VEZT: variants seen among roughly 807,000 people sequenced by gnomAD.
VEZT encodes the protein vezatin, adherens junctions transmembrane protein.
In VEZT, 39 loss-of-function variants were observed where a neutral mutation model predicts 79.9. The ratio of observed to expected loss-of-function variants is 0.49; its 90% CI spans 0.38 to 0.64. The LOEUF (loss-of-function observed/expected upper bound fraction) is 0.64, where lower values mean the gene tolerates loss of function less well. VEZT is among the 30% of genes least tolerant of loss of function. The probability of loss-of-function intolerance (pLI) is 0.00; values close to 1 mark genes in which losing one functional copy is unlikely to be tolerated. For missense variants in VEZT, 837 were observed against 893.1 expected (o/e 0.94, Z 0.80); for synonymous variants, 325 against 327.6 (o/e 0.99, Z 0.09).
chr12:95,255,316 T>C (rs1452494938), intron 2 of VEZT, among the ~76,000 whole-genome samples: 1 of 152,242 alleles, frequency 6.6e-6, no homozygotes. Context: ...GCCTTGGTCA[T>C]CAAGTGATAC....
rs111949879 is a variant in VEZT, at chr12:95,287,861, C to T, written c.1522+4C>T. On this transcript the variant is annotated splice_donor_region_variant and intron_variant, in intron 9 of 11. Coordinates refer to ENST00000436874, the MANE Select transcript of VEZT (RefSeq NM_017599.4). ...CGAAGAAATACAGATAAAAAAGGTA[C>T]CTGTGAGAGATTTCTTTGCCATATG... is the stretch of plus-strand genomic sequence containing the variant. 6.5e-4 allele frequency: 1,025 copies of T among 1,580,146 alleles called. No homozygotes were observed. Among genetic ancestry groups the T allele is most frequent in the Non-Finnish European group, 6.7e-4 (783 of 1,162,574 alleles).
At chr12:95,225,426 G>A (rs573956014) in intron 1 of VEZT, among the ~76,000 whole-genome samples, 22 of 152,088 alleles carry the variant, frequency 1.4e-4, no homozygotes, top group East Asian at 3.9e-4. Flanking sequence ...GCTTGGTGGC[G>A]GGCGCCTGTA....
chr12:95,269,749 TTC>T, intron 5 of VEZT: 1 of 216,978 alleles, frequency 4.6e-6, no homozygotes. Flanking sequence ...ATTTCTACAT[TTC>T]TGTTATATCT....
intron 1 of VEZT, 87 bp from the exon 2 acceptor site, chr12:95,251,853 A>G: frequency 7.8e-7 from 1 of 1,289,848 alleles, no homozygotes; most frequent in East Asian, 2.3e-5. Flanking sequence ...ACTGGTCACA[A>G]TAGTGAAGTC....
chr12:95,249,172 G>T lies in VEZT; in HGVS notation c.37-2768G>T, dbSNP rs190442538. Among the ~76,000 whole-genome samples the T allele has an allele frequency of 3.8e-3, 578 of 152,246 alleles. 2 individuals are homozygous for T. Among genetic ancestry groups the T allele is most frequent in the Non-Finnish European group, 6.6e-3 (447 of 68,022 alleles). Reference sequence around the variant, plus strand: ...GGCTTGCAGAGTCTGAAATATTTACGATCTGGCCTTTTACCGAAAAAGGCT... The same window carrying T: ...GGCTTGCAGAGTCTGAAATATTTACTATCTGGCCTTTTACCGAAAAAGGCT... On this transcript the variant is annotated intron_variant, in intron 1 of 11. Coordinates refer to ENST00000436874, the MANE Select transcript of VEZT (RefSeq NM_017599.4).
At chr12:95,241,825 TA>T in intron 1 of VEZT, among the ~76,000 whole-genome samples, 1 of 152,366 alleles carries the variant, frequency 6.6e-6, no homozygotes, top group Non-Finnish European at 1.5e-5. Flanking sequence ...CCATGAACTT[TA>T]CATTAGTTTG....
chr12:95,302,041 T>G lies in VEZT; in HGVS notation c.*1368T>G, dbSNP rs1287296788. 4.6e-5 allele frequency: 7 copies of G among 152,230 alleles called. No homozygotes were observed. Among genetic ancestry groups the G allele is most frequent in the Non-Finnish European group, 8.8e-5 (6 of 68,026 alleles). The allele number at this position is 152,230 out of a possible 1,614,324, so 9.4% of individuals were successfully genotyped here. ...AATTAACCTCTTCGGAGCAATACCT[T>G]AGGTTGGGCCTTGCTTTACTACTTA... On this transcript the variant is annotated 3_prime_UTR_variant, in exon 12 of 12. Coordinates refer to ENST00000436874, the MANE Select transcript of VEZT (RefSeq NM_017599.4).
intron 1 of VEZT, among the ~76,000 whole-genome samples, chr12:95,225,899 G>C (rs1400225390): frequency 6.6e-6 from 1 of 151,662 alleles, no homozygotes; most frequent in East Asian, 1.9e-4. Context: ...AGACCAGCTT[G>C]GGCAATATAG....
rs148610476 is a variant in VEZT, at chr12:95,267,521, G to A, written c.710+889G>A. On this transcript the variant is annotated intron_variant, in intron 5 of 11. Coordinates refer to ENST00000436874, the MANE Select transcript of VEZT (RefSeq NM_017599.4). Reference sequence around the variant, plus strand: ...ATCTAGAAAATCATGAAAAGAGGGAGTGAAGAACCTCTGGTAGCCATCGCA... The same window carrying A: ...ATCTAGAAAATCATGAAAAGAGGGAATGAAGAACCTCTGGTAGCCATCGCA... 3.7e-3 allele frequency among the ~76,000 whole-genome samples: 565 copies of A among 152,118 alleles called. 4 individuals carry two copies. The highest frequency in any genetic ancestry group is 6.1e-3 in the Non-Finnish European group (415 of 67,994).
rs1467804101 is a variant in VEZT, at chr12:95,282,397, G to A, written c.1081G>A (p.Gly361Arg). ...LLLSTANSPPGPLLTPALLPH... is the reference protein window; with the variant it reads ...LLLSTANSPPRPLLTPALLPH... ...ACTTTCTACAGCCAATTCACCTCCT[G>A]GGCCCTTACTTACTCCAGCACTTCT... Residue 361 changes from glycine (G) to arginine (R), a missense_variant, in exon 8 of 12, where the codon GGG becomes AGG. Gly to Arg is a moderately radical substitution (Grantham distance 125). Coordinates refer to ENST00000436874, the MANE Select transcript of VEZT (RefSeq NM_017599.4). 1 of 1,613,826 alleles carries A rather than the reference G, an allele frequency of 6.2e-7. No individual in the cohort carries two copies. Among genetic ancestry groups the A allele is most frequent in the African/African-American group, 1.3e-5 (1 of 75,020 alleles).
intron 2 of VEZT, among the ~76,000 whole-genome samples, chr12:95,255,918 TC>T (rs1417870416): frequency 2.6e-5 from 4 of 152,292 alleles, no homozygotes; most frequent in Middle Eastern, 3.4e-3. Flanking sequence ...TTAAAACCTA[TC>T]TCAGTGTACC....
At chr12:95,294,514 CT>C (rs150093851) in intron 10 of VEZT, 142 bp downstream of exon 10, 325 of 690,034 alleles carry the variant, frequency 4.7e-4, no homozygotes, top group East Asian at 2.8e-3. Flanking sequence ...TGCCTGCAGA[CT>C]TTTTTTTGAT....
chr12:95,279,070 C>A (rs2068426686), intron 7 of VEZT, among the ~76,000 whole-genome samples: 1 of 152,130 alleles, frequency 6.6e-6, no homozygotes, highest in Non-Finnish European at 1.5e-5. Context: ...AACTCCGTCT[C>A]AACATAAATA....
chr12:95,262,056 T>C (rs2064632980), intron 3 of VEZT, among the ~76,000 whole-genome samples: 3 of 152,212 alleles, frequency 2.0e-5, no homozygotes, highest in Admixed American at 2.0e-4. Flanking sequence ...CCATCCCACT[T>C]CTCCAACTCC....
At chr12:95,269,203 A>G (rs1212481973) in intron 5 of VEZT, among the ~76,000 whole-genome samples, 2 of 152,230 alleles carry the variant, frequency 1.3e-5, no homozygotes, top group Non-Finnish European at 2.9e-5. Context: ...GAAAAAATTT[A>G]TCTGATAACC....
intron 5 of VEZT, among the ~76,000 whole-genome samples, chr12:95,269,342 G>A (rs995270859): frequency 2.0e-5 from 3 of 152,130 alleles, no homozygotes; most frequent in African/African-American, 7.2e-5. Flanking sequence ...ACAGCTTTGA[G>A]AGTAGCTATG....
intron 6 of VEZT, among the ~76,000 whole-genome samples, chr12:95,271,900 C>A (rs117481266): frequency 0.03 from 4,532 of 152,280 alleles, 141 homozygotes; most frequent in Middle Eastern, 0.092. Context: ...AAAATATGGG[C>A]TTGGTGCAGT....
intron 7 of VEZT, among the ~76,000 whole-genome samples, chr12:95,282,026 T>A (rs939137489): frequency 6.6e-6 from 1 of 152,070 alleles, no homozygotes; most frequent in African/African-American, 2.4e-5. Context: ...TGAGTGAAGA[T>A]TCACTTTTAC....
intron 5 of VEZT, among the ~76,000 whole-genome samples, chr12:95,266,881 T>G (rs1193698453): frequency 5.9e-5 from 9 of 152,242 alleles, no homozygotes; most frequent in African/African-American, 2.2e-4. Context: ...TGATTATTTC[T>G]GTATGTTACC....
Sources: gnomAD v4.1 joint callset for allele counts (sites outside exome capture counted in the v4.1 genomes callset) on GRCh38, gnomAD v4.1.1 for gene constraint, MANE v1.5 for transcripts, NCBI Gene and HGNC (gene_info 2026-07-23, HGNC 2026-07-21) for gene names.